Variants in ERC2 observed in about 807,000 individuals in gnomAD.
The protein encoded by ERC2 is ERC protein 2.
A neutral mutation model predicts 114.8 loss-of-function variants in ERC2; 42 were observed. The observed-to-expected ratio is 0.37, with a 90% confidence interval of 0.29 to 0.47. The LOEUF (loss-of-function observed/expected upper bound fraction) is 0.47, where lower values mean the gene tolerates loss of function less well. Ranked by LOEUF, ERC2 falls within the 20% of genes least tolerant of loss-of-function variation. The probability of loss-of-function intolerance (pLI) is 0.99; values close to 1 mark genes in which losing one functional copy is unlikely to be tolerated. For missense variants in ERC2, 939 were observed against 1,150.7 expected (o/e 0.82, Z 2.66); for synonymous variants, 454 against 425.5 (o/e 1.07, Z -0.82).
intron 11 of ERC2, among the ~76,000 whole-genome samples, chr3:55,988,974 C>T (rs149767268): frequency 1.1e-4 from 17 of 152,294 alleles, no homozygotes; most frequent in African/African-American, 4.1e-4. Flanking sequence ...AAAGGCAGGC[C>T]AAGGCTGAGC....
intron 2 of ERC2, among the ~76,000 whole-genome samples, chr3:56,385,811 A>G (rs951772214): frequency 4.6e-5 from 7 of 152,146 alleles, no homozygotes; most frequent in Non-Finnish European, 1.0e-4. Flanking sequence ...GGGTCCCTTT[A>G]AGAAGACTCT....
chr3:56,228,797 A>G (rs1182842290), intron 3 of ERC2, among the ~76,000 whole-genome samples: 2 of 152,184 alleles, frequency 1.3e-5, no homozygotes, highest in African/African-American at 4.8e-5. Flanking sequence ...ATGCATTTTT[A>G]AAAGTGTAAA....
chr3:56,170,869 A>G (rs1193504913), intron 4 of ERC2, among the ~76,000 whole-genome samples: 1 of 148,224 alleles, frequency 6.7e-6, no homozygotes, highest in Non-Finnish European at 1.5e-5. Context: ...GGTTCACCCC[A>G]TTGTCCTGCC....
chr3:55,551,296 G>A (rs2055190124), intron 17 of ERC2, among the ~76,000 whole-genome samples: 1 of 152,082 alleles, frequency 6.6e-6, no homozygotes, highest in African/African-American at 2.4e-5. Flanking sequence ...GCAGAGGCGG[G>A]TGGATCACCT....
chr3:56,108,783 A>C (rs1156917644), intron 6 of ERC2, among the ~76,000 whole-genome samples: 1 of 152,142 alleles, frequency 6.6e-6, no homozygotes. Context: ...TCTGGATTGA[A>C]AGGAGCAATC....
intron 7 of ERC2, among the ~76,000 whole-genome samples, chr3:56,047,469 C>T (rs939642352): frequency 6.6e-6 from 1 of 152,142 alleles, no homozygotes; most frequent in South Asian, 2.1e-4. Flanking sequence ...AGGAAAAAGG[C>T]CAGAGTTCAT....
intron 15 of ERC2, among the ~76,000 whole-genome samples, chr3:55,713,787 T>C (rs1288787912): frequency 1.3e-5 from 2 of 152,282 alleles, no homozygotes; most frequent in Middle Eastern, 3.4e-3. Context: ...TATAAAGCTG[T>C]TCAATCAACT....
intron 3 of ERC2, among the ~76,000 whole-genome samples, chr3:56,275,918 C>T (rs939743550): frequency 6.6e-6 from 1 of 152,162 alleles, no homozygotes; most frequent in Non-Finnish European, 1.5e-5. Context: ...CCCCCATCCC[C>T]AGCAAAGAAC....
At chr3:55,829,567 G>A (rs1267449512) in intron 14 of ERC2, among the ~76,000 whole-genome samples, 2 of 152,138 alleles carry the variant, frequency 1.3e-5, no homozygotes, top group Non-Finnish European at 2.9e-5. Context: ...GTCACCTAGA[G>A]TGCAGTGCAT....
At chr3:56,464,530 C>G (rs190876708) in intron 1 of ERC2, among the ~76,000 whole-genome samples, 141 of 152,318 alleles carry the variant, frequency 9.3e-4, no homozygotes, top group African/African-American at 3.3e-3. Flanking sequence ...GTTACACTGC[C>G]AAAGCTGACT....
At chr3:55,699,331 T>A in intron 16 of ERC2, 47 bp downstream of exon 16, 1 of 1,608,726 alleles carries the variant, frequency 6.2e-7, no homozygotes. Flanking sequence ...TCTTAAAATA[T>A]CTAAAGGGTA....
intron 3 of ERC2, among the ~76,000 whole-genome samples, chr3:56,196,947 G>A (rs2048144929): frequency 1.3e-5 from 2 of 152,192 alleles, no homozygotes; most frequent in South Asian, 4.2e-4. Context: ...GAAGCCTTCA[G>A]AGTCATATTT....
At chr3:55,798,817 T>C (rs1461897274) in intron 14 of ERC2, among the ~76,000 whole-genome samples, 1 of 151,082 alleles carries the variant, frequency 6.6e-6, no homozygotes. Flanking sequence ...TTATCACCAA[T>C]AGACCTACAC....
At chr3:55,718,674 G>GC (rs2064267104) in intron 15 of ERC2, among the ~76,000 whole-genome samples, 1 of 152,136 alleles carries the variant, frequency 6.6e-6, no homozygotes, top group African/African-American at 2.4e-5. Context: ...TGCTCTGCCT[G>GC]CCCCTCACAG....
chr3:55,544,046 TG>T (rs2054581030), intron 17 of ERC2, among the ~76,000 whole-genome samples: 1 of 152,106 alleles, frequency 6.6e-6, no homozygotes, highest in Non-Finnish European at 1.5e-5. Context: ...CAACCATGGC[TG>T]GGGCAGGGCA....
intron 7 of ERC2, among the ~76,000 whole-genome samples, chr3:56,029,518 C>T (rs2074248933): frequency 6.6e-6 from 1 of 151,992 alleles, no homozygotes; most frequent in Non-Finnish European, 1.5e-5. Flanking sequence ...GGTTTTAAGA[C>T]TATTCAGTCA....
intron 14 of ERC2, among the ~76,000 whole-genome samples, chr3:55,831,648 A>G (rs1195780269): frequency 6.6e-6 from 1 of 152,206 alleles, no homozygotes; most frequent in Non-Finnish European, 1.5e-5. Context: ...CCGAATAGGA[A>G]CAACTCCGGT....
chr3:56,354,846 A>G (rs1290724096), intron 2 of ERC2, among the ~76,000 whole-genome samples: 1 of 152,222 alleles, frequency 6.6e-6, no homozygotes, highest in Non-Finnish European at 1.5e-5. Context: ...TCTAGTTTGA[A>G]TTTACTGAAG....
At chr3:55,632,061 T>C (rs1415597641) in intron 17 of ERC2, among the ~76,000 whole-genome samples, 1 of 152,230 alleles carries the variant, frequency 6.6e-6, no homozygotes, top group East Asian at 1.9e-4. Context: ...CCTTGGAGTC[T>C]GCACTGAGTC....
Sources: allele counts gnomAD v4.1 joint callset (sites outside exome capture counted in the v4.1 genomes callset), GRCh38; gene constraint gnomAD v4.1.1; transcripts MANE v1.5; gene names NCBI Gene and HGNC (gene_info 2026-07-23, HGNC 2026-07-21).